The following ZNF423 variants were observed in gnomAD, a reference collection of about 807,000 sequenced individuals.
ZNF423 encodes Ebf-associated zinc finger protein.
In ZNF423, 12 loss-of-function variants were observed where a neutral mutation model predicts 95.8. The ratio of observed to expected loss-of-function variants is 0.13; its 90% CI spans 0.08 to 0.20. ZNF423 has a LOEUF of 0.20. ZNF423 is among the 10% of genes least tolerant of loss of function. ZNF423 has a pLI of 1.00. For missense variants in ZNF423, 1,316 were observed against 1,737.1 expected (o/e 0.76, Z 4.31); for synonymous variants, 749 against 711.9 (o/e 1.05, Z -0.83).
chr16:49,798,523 T>C (rs954367935), intron 1 of ZNF423, among the ~76,000 whole-genome samples: 6 of 151,784 alleles, frequency 4.0e-5, no homozygotes, highest in Non-Finnish European at 8.8e-5. Context: ...CAAAACAAAA[T>C]AAAAAAGAAG....
At chr16:49,507,071 G>A (rs930376819) in intron 7 of ZNF423, among the ~76,000 whole-genome samples, 3 of 152,142 alleles carry the variant, frequency 2.0e-5, no homozygotes, top group African/African-American at 7.2e-5. Flanking sequence ...GCTAATTACT[G>A]TCTTTCTGAC....
chr16:49,562,939 A>G (rs988574742), intron 5 of ZNF423, among the ~76,000 whole-genome samples: 2 of 152,056 alleles, frequency 1.3e-5, no homozygotes, highest in African/African-American at 4.8e-5. Flanking sequence ...ACGAGCCACC[A>G]AGCCCAGCTA....
chr16:49,795,589 A>G (rs943648692), intron 1 of ZNF423, among the ~76,000 whole-genome samples: 1 of 152,230 alleles, frequency 6.6e-6, no homozygotes, highest in African/African-American at 2.4e-5. Flanking sequence ...GTGGCCCTGG[A>G]AGGGCCCAAG....
intron 3 of ZNF423, among the ~76,000 whole-genome samples, chr16:49,667,978 G>C (rs2030623245): frequency 6.6e-6 from 1 of 152,168 alleles, no homozygotes; most frequent in South Asian, 2.1e-4. Flanking sequence ...AGGTCTGTGT[G>C]GCTGCAAGCT....
chr16:49,641,640 G>C (rs1389563191), intron 3 of ZNF423, among the ~76,000 whole-genome samples: 1 of 152,210 alleles, frequency 6.6e-6, no homozygotes, highest in African/African-American at 2.4e-5. Flanking sequence ...CTCAGAGCCA[G>C]AGCCCTCCCA....
At chr16:49,849,117 T>C (rs1263002944) in intron 1 of ZNF423, among the ~76,000 whole-genome samples, 2 of 152,210 alleles carry the variant, frequency 1.3e-5, no homozygotes, top group Non-Finnish European at 2.9e-5. Context: ...TCCTGAGTCC[T>C]TAGTGGGCAC....
intron 2 of ZNF423, 109 bp from the exon 3 acceptor site, chr16:49,731,080 G>T: frequency 7.7e-7 from 1 of 1,297,408 alleles, no homozygotes; most frequent in Non-Finnish European, 1.1e-6. Flanking sequence ...CTACCTCCCG[G>T]GGTCCATTAT....
At chr16:49,807,756 A>T (rs1471305996) in intron 1 of ZNF423, among the ~76,000 whole-genome samples, 1 of 152,194 alleles carries the variant, frequency 6.6e-6, no homozygotes, top group Non-Finnish European at 1.5e-5. Flanking sequence ...CCTGCCTGCC[A>T]TCCCAAGACA....
rs577291183 is a variant in ZNF423, at chr16:49,710,688, G to T, written c.301+20083C>A. 1.4e-3 allele frequency among the ~76,000 whole-genome samples: 207 copies of T among 152,302 alleles called. 1 individual carries two copies. Among genetic ancestry groups the T allele is most frequent in the African/African-American group, 4.4e-3 (181 of 41,572 alleles). On this transcript the variant is annotated intron_variant, in intron 3 of 7. Transcript: ENST00000563137. Reference sequence around the variant, plus strand: ...AACAAGAGAGGGGACTCCACAAAAAGTCAAACAGGTGTCCAGCCTTAAGGA... The same window carrying T: ...AACAAGAGAGGGGACTCCACAAAAATTCAAACAGGTGTCCAGCCTTAAGGA...
intron 1 of ZNF423, among the ~76,000 whole-genome samples, chr16:49,791,522 T>G (rs2034413564): frequency 6.6e-6 from 1 of 152,240 alleles, no homozygotes; most frequent in South Asian, 2.1e-4. Context: ...ATTAAGAGAC[T>G]GCTGCCAGTG....
At chr16:49,755,064 C>A (rs977088399) in intron 2 of ZNF423, among the ~76,000 whole-genome samples, 5 of 152,184 alleles carry the variant, frequency 3.3e-5, no homozygotes, top group African/African-American at 1.2e-4. Context: ...CCCTCCTCAG[C>A]AGGAGGGGAG....
At position 49,521,481 on chromosome 16, in the gene ZNF423, CT is replaced by C. The variant is rs1968393689; in HGVS notation, c.3849+2142del. On this transcript the variant is annotated intron_variant, in intron 7 of 7. Transcript: ENST00000563137. ...CGCATCCAGCACACGAGCAGGGAGG[CT>C]TCTTGGATGGCATCAACGCCTAGCT... is the stretch of plus-strand genomic sequence containing the variant. Among the ~76,000 whole-genome samples, 5 of 152,298 alleles carry C rather than the reference CT, an allele frequency of 3.3e-5. No individual in the cohort carries two copies. In the South Asian group the frequency reaches 1.0e-3, roughly 32 times the overall value.
intron 7 of ZNF423, among the ~76,000 whole-genome samples, chr16:49,507,067 T>G (rs1435802912): frequency 1.3e-5 from 2 of 152,204 alleles, no homozygotes; most frequent in Non-Finnish European, 2.9e-5. Flanking sequence ...CTTGGCTAAT[T>G]ACTGTCTTTC....
Position 49,732,726 on chromosome 16 carries a change from CA to C in ZNF423, c.101-1756del, listed in dbSNP as rs2033197677. On this transcript the variant is annotated intron_variant, in intron 2 of 7. Transcript: ENST00000563137. ...GGAAACCACAGTCCTGTGAATATTT[CA>C]ATTTGGAAACAGATAATGTTATAAG... is the stretch of plus-strand genomic sequence containing the variant. 2.6e-5 allele frequency among the ~76,000 whole-genome samples: 4 copies of C among 152,328 alleles called. No homozygotes were observed. The South Asian group carries it at 8.3e-4, about 32-fold the overall frequency.
intron 2 of ZNF423, among the ~76,000 whole-genome samples, chr16:49,761,798 G>A (rs1370894450): frequency 1.3e-5 from 2 of 152,172 alleles, no homozygotes; most frequent in African/African-American, 4.8e-5. Flanking sequence ...GGCTTAATAA[G>A]GGAATGAATA....
At chr16:49,732,897 G>A (rs907617297) in intron 2 of ZNF423, among the ~76,000 whole-genome samples, 1 of 152,186 alleles carries the variant, frequency 6.6e-6, no homozygotes, top group African/African-American at 2.4e-5. Context: ...GGAACTGCGC[G>A]GAGGCAGTAA....
chr16:49,703,043 C>T (rs560922880), intron 3 of ZNF423, among the ~76,000 whole-genome samples: 5 of 152,228 alleles, frequency 3.3e-5, no homozygotes, highest in East Asian at 1.9e-4. Flanking sequence ...TGTGTTGATA[C>T]GAACACATGC....
chr16:49,690,620 A>C (rs1352929065), intron 3 of ZNF423, among the ~76,000 whole-genome samples: 1 of 152,182 alleles, frequency 6.6e-6, no homozygotes, highest in Non-Finnish European at 1.5e-5. Context: ...CTATTAATAA[A>C]TCCCCTTGCA....
At chr16:49,739,824 G>T in intron 2 of ZNF423, among the ~76,000 whole-genome samples, 1 of 149,738 alleles carries the variant, frequency 6.7e-6, no homozygotes, top group Non-Finnish European at 1.5e-5. Flanking sequence ...TCAGCTTCCC[G>T]AGCAGTCAGG....
Sources: gnomAD v4.1 joint callset for allele counts (sites outside exome capture counted in the v4.1 genomes callset) on GRCh38, gnomAD v4.1.1 for gene constraint, MANE v1.5 for transcripts, NCBI Gene and HGNC (gene_info 2026-07-23, HGNC 2026-07-21) for gene names.